The following AKR1C8 variants were observed in gnomAD, a reference collection of about 807,000 sequenced individuals.
AKR1C8 encodes aldo-keto reductase family 1 member C-like protein 1.
the AKR1C8 span, among the ~76,000 whole-genome samples, chr10:5,134,768 C>T: frequency 6.6e-6 from 1 of 152,156 alleles, no homozygotes; most frequent in Non-Finnish European, 1.5e-5. Context: ...CTTGGAAGAA[C>T]AAACAATTTC....
At chr10:5,130,056 AAAAGAT>A in the AKR1C8 span, among the ~76,000 whole-genome samples, 2 of 152,038 alleles carry the variant, frequency 1.3e-5, no homozygotes, top group East Asian at 3.9e-4. Context: ...CAGCATATCA[AAAAGAT>A]AATACATCAT....
the AKR1C8 span, among the ~76,000 whole-genome samples, chr10:5,117,498 C>G: frequency 3.3e-5 from 5 of 152,136 alleles, no homozygotes; most frequent in South Asian, 1.0e-3. Context: ...CTGTGATTAT[C>G]AGGTATTAAG....
chr10:5,163,513 C>T, the AKR1C8 span, among the ~76,000 whole-genome samples: 2 of 152,168 alleles, frequency 1.3e-5, no homozygotes, highest in Admixed American at 6.5e-5. Context: ...CTTCAGTAAA[C>T]TGAGTGGATG....
chr10:5,168,248 T>C, the AKR1C8 span, among the ~76,000 whole-genome samples: 3 of 151,904 alleles, frequency 2.0e-5, no homozygotes, highest in Non-Finnish European at 4.4e-5. Flanking sequence ...GACCCTACCC[T>C]CTTAACAGTT....
At chr10:5,162,293 A>G in the AKR1C8 span, among the ~76,000 whole-genome samples, 1 of 152,218 alleles carries the variant, frequency 6.6e-6, no homozygotes, top group Non-Finnish European at 1.5e-5. Flanking sequence ...GGACAGGGAG[A>G]ACAGAATCTC....
chr10:5,125,154 A>G, the AKR1C8 span, among the ~76,000 whole-genome samples: 1 of 152,064 alleles, frequency 6.6e-6, no homozygotes, highest in African/African-American at 2.4e-5. Flanking sequence ...TATTAGGTAT[A>G]CTTTTGGTAC....
the AKR1C8 span, among the ~76,000 whole-genome samples, chr10:5,149,406 C>G: frequency 5.3e-5 from 8 of 152,068 alleles, no homozygotes; most frequent in East Asian, 1.9e-4. Context: ...TCAATAGGCT[C>G]TTTATAAATT....
chr10:5,141,499 C>T, the AKR1C8 span, among the ~76,000 whole-genome samples: 1 of 152,178 alleles, frequency 6.6e-6, no homozygotes, highest in South Asian at 2.1e-4. Context: ...TTTACTTTTC[C>T]TAGATTCATC....
chr10:5,166,727 G>A, the AKR1C8 span, among the ~76,000 whole-genome samples: 1 of 152,032 alleles, frequency 6.6e-6, no homozygotes, highest in Non-Finnish European at 1.5e-5. Context: ...CATAGGCATG[G>A]GCAAGGACTT....
chr10:5,152,510 C>G, the AKR1C8 span, among the ~76,000 whole-genome samples: 2 of 152,158 alleles, frequency 1.3e-5, no homozygotes, highest in South Asian at 4.1e-4. Context: ...GAAAAATTGT[C>G]AGATTGCCAT....
At chr10:5,168,541 A>G in the AKR1C8 span, among the ~76,000 whole-genome samples, 2 of 152,110 alleles carry the variant, frequency 1.3e-5, no homozygotes, top group African/African-American at 2.4e-5. Context: ...AAGTTATTTG[A>G]TGACCCTGAT....
chr10:5,122,395 C>G, the AKR1C8 span, among the ~76,000 whole-genome samples: 1 of 152,156 alleles, frequency 6.6e-6, no homozygotes, highest in Non-Finnish European at 1.5e-5. Context: ...AAGATGTGCA[C>G]TCATCAATCT....
chr10:5,119,663 T>C, the AKR1C8 span, among the ~76,000 whole-genome samples: 1 of 152,158 alleles, frequency 6.6e-6, no homozygotes, highest in Non-Finnish European at 1.5e-5. Context: ...GAACAGAAAC[T>C]ATAGACTCTG....
chr10:5,143,529 G>A, the AKR1C8 span, among the ~76,000 whole-genome samples: 1 of 151,960 alleles, frequency 6.6e-6, no homozygotes, highest in Non-Finnish European at 1.5e-5. Flanking sequence ...AAGGTGCTTG[G>A]TAGCGCTTTT....
chr10:5,160,155 A>C, the AKR1C8 span: 1 of 261,948 alleles, frequency 3.8e-6, no homozygotes, highest in Non-Finnish European at 8.3e-6. Context: ...ACAATTTCCT[A>C]ATGCATTACC....
the AKR1C8 span, among the ~76,000 whole-genome samples, chr10:5,142,346 T>C: frequency 2.6e-5 from 4 of 152,122 alleles, no homozygotes; most frequent in Non-Finnish European, 5.9e-5. Flanking sequence ...ATTCTAACCA[T>C]TTCGTATTCA....
chr10:5,166,954 C>T, the AKR1C8 span, among the ~76,000 whole-genome samples: 1 of 147,730 alleles, frequency 6.8e-6, no homozygotes, highest in African/African-American at 2.5e-5. Flanking sequence ...AAAAAAAAAC[C>T]CATCAAAAAG....
the AKR1C8 span, among the ~76,000 whole-genome samples, chr10:5,158,231 AG>A: frequency 6.6e-6 from 1 of 152,212 alleles, no homozygotes; most frequent in Non-Finnish European, 1.5e-5. Flanking sequence ...TTGTCTCAGA[AG>A]GAAAAAAAAT....
At chr10:5,184,262 A>C in the AKR1C8 span, among the ~76,000 whole-genome samples, 3 of 152,068 alleles carry the variant, frequency 2.0e-5, no homozygotes, top group African/African-American at 7.2e-5. Flanking sequence ...CCCCCTCTCT[A>C]CTCGAGAAAA....
Sources: allele counts gnomAD v4.1 joint callset (sites outside exome capture counted in the v4.1 genomes callset), GRCh38; gene constraint gnomAD v4.1.1; transcripts MANE v1.5; gene names NCBI Gene and HGNC (gene_info 2026-07-23, HGNC 2026-07-21).